SDK1: variants seen among roughly 807,000 people sequenced by gnomAD.
SDK1 encodes sidekick cell adhesion molecule 1.
SDK1 carries 157 observed loss-of-function variants against 245.5 expected under a neutral mutation model. The ratio of observed to expected loss-of-function variants is 0.64; its 90% CI spans 0.56 to 0.73. The LOEUF is 0.73. Among genes scored for constraint, SDK1 ranks in the 30% least tolerant of loss-of-function variants. The pLI, the probability that SDK1 is intolerant of heterozygous loss-of-function variation, is 0.00. For missense variants in SDK1, 3,583 were observed against 3,002.3 expected, an observed-to-expected ratio of 1.19 and a Z score of -4.52; for synonymous variants, 1,647 against 1,278.5, an observed-to-expected ratio of 1.29 and a Z score of -6.15.
intron 2 of SDK1, among the ~76,000 whole-genome samples, chr7:3,624,822 C>T (rs1334082214): frequency 6.6e-6 from 1 of 151,938 alleles, no homozygotes; most frequent in Admixed American, 6.6e-5. Context: ...GAGGGAGGCG[C>T]ATCACCTGAG....
intron 28 of SDK1, among the ~76,000 whole-genome samples, chr7:4,139,910 G>C (rs959635264): frequency 3.9e-5 from 6 of 152,112 alleles, no homozygotes; most frequent in African/African-American, 1.4e-4. Flanking sequence ...TCCATCGATG[G>C]GAACGATCTG....
At chr7:3,417,395 A>T (rs1443968318) in intron 1 of SDK1, among the ~76,000 whole-genome samples, 1 of 152,032 alleles carries the variant, frequency 6.6e-6, no homozygotes, top group Non-Finnish European at 1.5e-5. Context: ...AGTTTGCCAA[A>T]CTTTTTTTCA....
intron 35 of SDK1, among the ~76,000 whole-genome samples, chr7:4,196,040 C>G (rs982354469): frequency 3.3e-5 from 5 of 152,180 alleles, no homozygotes; most frequent in Non-Finnish European, 4.4e-5. Context: ...TCAAAGCTTA[C>G]CACCCTTCAT....
intron 43 of SDK1, among the ~76,000 whole-genome samples, chr7:4,242,857 G>A (rs1034779031): frequency 6.6e-6 from 1 of 152,326 alleles, no homozygotes; most frequent in African/African-American, 2.4e-5. Flanking sequence ...ACTGAATTTG[G>A]GAATCTTAGA....
intron 5 of SDK1, among the ~76,000 whole-genome samples, chr7:3,893,325 G>T (rs894256916): frequency 6.6e-6 from 1 of 152,104 alleles, no homozygotes; most frequent in Non-Finnish European, 1.5e-5. Flanking sequence ...TCTGCTCCTG[G>T]TCAGGATGGC....
At chr7:4,230,858 G>C (rs1164714813) in intron 40 of SDK1, among the ~76,000 whole-genome samples, 2 of 152,120 alleles carry the variant, frequency 1.3e-5, no homozygotes, top group Non-Finnish European at 2.9e-5. Context: ...AGTCTGAGGG[G>C]GCAAAAGGAC....
chr7:4,222,674 A>G (rs992951714), intron 40 of SDK1, among the ~76,000 whole-genome samples: 4 of 152,216 alleles, frequency 2.6e-5, no homozygotes, highest in African/African-American at 9.7e-5. Context: ...TCTTTGGCTC[A>G]ATAACTCAGA....
At chr7:3,811,134 C>G (rs1780208452) in intron 4 of SDK1, among the ~76,000 whole-genome samples, 1 of 152,200 alleles carries the variant, frequency 6.6e-6, no homozygotes, top group Non-Finnish European at 1.5e-5. Context: ...TTTGTAGCTT[C>G]TGAGCCAGCC....
In SDK1 at chr7:3,907,690, A is replaced by C. The variant is rs79755233; in HGVS notation, c.848-43233A>C. Among the ~76,000 whole-genome samples the C allele has an allele frequency of 1.1e-4, 16 of 152,368 alleles. No individual in the cohort carries two copies. In the East Asian group the frequency reaches 1.2e-3, roughly 11 times the overall value. ...GCGTTTTTAAAACAGACTCTTACCA[A>C]AATGAAATAAATCACAAAGGTGTAG... On this transcript the variant is annotated intron_variant, in intron 5 of 44. Transcript: ENST00000404826.
intron 32 of SDK1, among the ~76,000 whole-genome samples, chr7:4,164,876 G>T (rs1342965938): frequency 1.3e-5 from 2 of 152,190 alleles, no homozygotes; most frequent in African/African-American, 4.8e-5. Flanking sequence ...GCAGGAGGTG[G>T]TCAATACAAC....
chr7:3,371,455 T>A (rs1170510990), intron 1 of SDK1, among the ~76,000 whole-genome samples: 1 of 151,756 alleles, frequency 6.6e-6, no homozygotes, highest in South Asian at 2.1e-4. Flanking sequence ...TCTGGTATCT[T>A]AAAAAAAGAA....
chr7:4,009,943 G>A (rs892312342), intron 14 of SDK1, among the ~76,000 whole-genome samples: 1 of 152,184 alleles, frequency 6.6e-6, no homozygotes, highest in Non-Finnish European at 1.5e-5. Context: ...GAAGCGGCTG[G>A]GATTTTATGT....
chr7:3,579,756 C>T (rs952584673), intron 1 of SDK1, among the ~76,000 whole-genome samples: 6 of 152,092 alleles, frequency 3.9e-5, no homozygotes, highest in African/African-American at 1.4e-4. Flanking sequence ...TGTTGCAATT[C>T]CCCAAAGAGG....
chr7:4,112,959 G>A (rs542449058), intron 23 of SDK1, among the ~76,000 whole-genome samples: 2 of 152,078 alleles, frequency 1.3e-5, no homozygotes, highest in Non-Finnish European at 2.9e-5. Context: ...TCGCCATGTT[G>A]GCCAGGCTGA....
chr7:3,737,299 T>A (rs1348029073), intron 4 of SDK1, among the ~76,000 whole-genome samples: 2 of 152,062 alleles, frequency 1.3e-5, no homozygotes, highest in Admixed American at 1.3e-4. Flanking sequence ...ATCTCCCTGT[T>A]TGGGGGTGGC....
chr7:3,766,997 A>G (rs1019457919), intron 4 of SDK1, among the ~76,000 whole-genome samples: 2 of 152,240 alleles, frequency 1.3e-5, no homozygotes, highest in African/African-American at 4.8e-5. Flanking sequence ...TTTGGAAATT[A>G]GGAGCATATT....
Position 4,265,159 on chromosome 7 carries a change from G to A in SDK1, c.6417G>A (p.Lys2139=). ...CTGACTACGAGGACGCGCTGCCCAAGCACTCCTTCGTGAACCACTACATGA... is the reference window on the plus strand; with the variant it reads ...CTGACTACGAGGACGCGCTGCCCAAACACTCCTTCGTGAACCACTACATGA... The part of the protein sequence containing the change: ...TDSDYEDALP[K]HSFVNHYMSD... The change falls in exon 45 of 45, where the codon AAG becomes AAA. Residue 2139 remains lysine (K), a synonymous_variant. Transcript: ENST00000404826. The A allele has an allele frequency of 6.2e-7, 1 of 1,612,482 alleles. No individual in the cohort carries two copies. The highest frequency in any genetic ancestry group is 1.3e-5 in the African/African-American group (1 of 75,036).
At chr7:3,966,716 C>T (rs926376607) in intron 9 of SDK1, among the ~76,000 whole-genome samples, 3 of 151,810 alleles carry the variant, frequency 2.0e-5, no homozygotes, top group Non-Finnish European at 2.9e-5. Context: ...GATAAGGTCT[C>T]ACTCTGTCAC....
chr7:3,956,862 G>GT (rs912350831), intron 7 of SDK1, among the ~76,000 whole-genome samples: 1 of 152,188 alleles, frequency 6.6e-6, no homozygotes, highest in Admixed American at 6.5e-5. Flanking sequence ...GGGTCACTGT[G>GT]TGGAGTGCCC....
Sources: gnomAD v4.1 joint callset for allele counts (sites outside exome capture counted in the v4.1 genomes callset) on GRCh38, gnomAD v4.1.1 for gene constraint, MANE v1.5 for transcripts, NCBI Gene and HGNC (gene_info 2026-07-23, HGNC 2026-07-21) for gene names.